Variants in RALGAPA1 observed in about 807,000 individuals in gnomAD.
RALGAPA1 encodes ral GTPase-activating protein subunit alpha-1.
RALGAPA1 carries 52 observed loss-of-function variants against 269.6 expected under a neutral mutation model. The observed-to-expected ratio is 0.19, with a 90% CI of 0.15 to 0.24. The LOEUF is 0.24. Ranked by LOEUF, RALGAPA1 falls within the 10% of genes least tolerant of loss-of-function variation. RALGAPA1 has a pLI of 1.00. For synonymous variants in RALGAPA1, 817 were observed against 1,008.3 expected (o/e 0.81, Z 3.60); for missense variants, 1,917 against 3,013.9 (o/e 0.64, Z 8.52).
chr14:35,654,982 TTC>T (rs1396785663), intron 29 of RALGAPA1, among the ~76,000 whole-genome samples: 2 of 152,218 alleles, frequency 1.3e-5, no homozygotes, highest in Admixed American at 6.5e-5. Flanking sequence ...TCAAAATGAT[TTC>T]TGTTTCTTCC....
intron 39 of RALGAPA1, among the ~76,000 whole-genome samples, chr14:35,549,618 G>T (rs1313476659): frequency 6.6e-6 from 1 of 152,094 alleles, no homozygotes; most frequent in East Asian, 1.9e-4. Context: ...TCCATCTGCA[G>T]ATTTACTCTC....
Position 35,809,041 on chromosome 14 carries a change from C to G in RALGAPA1, c.-206G>C. 1 of 873,120 alleles carries G rather than the reference C, an allele frequency of 1.1e-6. No homozygotes were observed. The highest frequency in any genetic ancestry group is 1.8e-5 in the South Asian group (1 of 54,276). The allele number at this position is 873,120 out of a possible 1,614,324, so 54.1% of individuals were successfully genotyped here. A position where few individuals can be genotyped will look rare whatever the true frequency, so the allele number is the denominator to read the frequency against. On this transcript the variant is annotated 5_prime_UTR_variant, in exon 1 of 42. Transcript: ENST00000680220. ...CGCCTCGCGCCGCGGCTCCAAGGCACCTTCGGCCCCAGCTCCAATATGGCG... is the reference window on the plus strand; with the variant it reads ...CGCCTCGCGCCGCGGCTCCAAGGCAGCTTCGGCCCCAGCTCCAATATGGCG...
intron 35 of RALGAPA1, among the ~76,000 whole-genome samples, chr14:35,616,708 C>T (rs1230092849): frequency 2.6e-5 from 4 of 152,110 alleles, no homozygotes; most frequent in Non-Finnish European, 5.9e-5. Flanking sequence ...TTAAAACACA[C>T]CTATGAAGTT....
chr14:35,608,931 A>G (rs1458513161), intron 35 of RALGAPA1, among the ~76,000 whole-genome samples: 2 of 152,232 alleles, frequency 1.3e-5, no homozygotes, highest in East Asian at 1.9e-4. Flanking sequence ...AGGATAGACC[A>G]TAAAACAAGC....
chr14:35,573,101 T>G (rs540403649), intron 37 of RALGAPA1, among the ~76,000 whole-genome samples: 22 of 152,210 alleles, frequency 1.4e-4, no homozygotes, highest in Admixed American at 6.5e-5. Flanking sequence ...TATGTTTCGT[T>G]TAACGAATTT....
chr14:35,686,692 T>C (rs371011417), intron 18 of RALGAPA1, 26 bp from the exon 19 acceptor site: 119 of 1,368,764 alleles, frequency 8.7e-5, no homozygotes, highest in Non-Finnish European at 1.1e-4. Context: ...TAACTATATA[T>C]AGTGAGGAAA....
chr14:35,785,418 TTTAAA>T lies in RALGAPA1; in HGVS notation c.107-9678_107-9674del, dbSNP rs1398848506. Among the ~76,000 whole-genome samples the T allele has an allele frequency of 5.3e-5, 8 of 152,336 alleles. No homozygotes were observed. In the East Asian group the frequency reaches 1.3e-3, roughly 26 times the overall value. On this transcript the variant is annotated intron_variant, in intron 1 of 41. Transcript: ENST00000680220. Reference sequence around the variant, plus strand: ...AATAGATACAGTGCTTTGCAAATACTTTAAATTATAAAGAAGTAAAAAGAGGTTTT... The same window carrying T: ...AATAGATACAGTGCTTTGCAAATACTTTATAAAGAAGTAAAAAGAGGTTTT...
intron 16 of RALGAPA1, among the ~76,000 whole-genome samples, chr14:35,712,408 ATTTCT>A (rs1230145953): frequency 8.6e-5 from 13 of 152,038 alleles, no homozygotes; most frequent in Non-Finnish European, 1.0e-4. Flanking sequence ...TTTATAAATA[ATTTCT>A]TTTAACATTT....
At chr14:35,592,422 C>T (rs1419380628) in intron 37 of RALGAPA1, among the ~76,000 whole-genome samples, 14 of 152,122 alleles carry the variant, frequency 9.2e-5, no homozygotes, top group Non-Finnish European at 2.1e-4. Flanking sequence ...TGAATTCTAC[C>T]AAACATTCAA....
chr14:35,719,793 TCCCTCTGTC>T (rs1314449523), intron 16 of RALGAPA1, among the ~76,000 whole-genome samples: 3 of 151,962 alleles, frequency 2.0e-5, no homozygotes, highest in Non-Finnish European at 2.9e-5. Flanking sequence ...CCTCTGTCGC[TCCCTCTGTC>T]GCTCCAGGCT....
intron 22 of RALGAPA1, among the ~76,000 whole-genome samples, chr14:35,675,274 C>T (rs2064845222): frequency 6.6e-6 from 1 of 152,162 alleles, no homozygotes; most frequent in Non-Finnish European, 1.5e-5. Flanking sequence ...CTGCTGGGTT[C>T]ACGCAATTCT....
At chr14:35,739,272 A>G (rs2071332273) in intron 11 of RALGAPA1, among the ~76,000 whole-genome samples, 1 of 152,172 alleles carries the variant, frequency 6.6e-6, no homozygotes, top group Admixed American at 6.5e-5. Context: ...ATTCACCAAT[A>G]TCTTTAAATA....
At chr14:35,681,430 T>C (rs77688690) in intron 21 of RALGAPA1, among the ~76,000 whole-genome samples, 6,166 of 152,262 alleles carry the variant, frequency 0.04, 363 homozygotes, top group African/African-American at 0.12. Flanking sequence ...TAGAAGTTAA[T>C]TATCCAAAAA....
intron 35 of RALGAPA1, among the ~76,000 whole-genome samples, chr14:35,612,109 C>T (rs915173131): frequency 1.3e-5 from 2 of 152,170 alleles, no homozygotes; most frequent in African/African-American, 2.4e-5. Flanking sequence ...CACAATGGCT[C>T]ATGCCTGTAA....
intron 1 of RALGAPA1, among the ~76,000 whole-genome samples, chr14:35,777,846 G>C (rs1426744871): frequency 1.3e-5 from 2 of 152,016 alleles, no homozygotes; most frequent in African/African-American, 4.8e-5. Flanking sequence ...ACTGTGTCCA[G>C]CCTCAAAACA....
intron 30 of RALGAPA1, among the ~76,000 whole-genome samples, chr14:35,653,686 A>C (rs553058020): frequency 7.9e-5 from 12 of 152,162 alleles, no homozygotes; most frequent in African/African-American, 2.6e-4. Flanking sequence ...GGTAAGAGCC[A>C]TGTAAATGTG....
At chr14:35,619,168 G>C (rs1282897647) in intron 35 of RALGAPA1, among the ~76,000 whole-genome samples, 3 of 151,898 alleles carry the variant, frequency 2.0e-5, no homozygotes, top group South Asian at 2.1e-4. Context: ...AAAAATGATA[G>C]ACAAATCTAA....
intron 12 of RALGAPA1, among the ~76,000 whole-genome samples, chr14:35,736,221 C>T (rs1004844372): frequency 4.0e-5 from 6 of 151,886 alleles, no homozygotes; most frequent in Non-Finnish European, 8.8e-5. Flanking sequence ...ATTAGACAAA[C>T]GTTAAGGGAA....
intron 16 of RALGAPA1, among the ~76,000 whole-genome samples, chr14:35,701,839 A>G (rs2067377700): frequency 6.6e-6 from 1 of 151,918 alleles, no homozygotes; most frequent in African/African-American, 2.4e-5. Context: ...AGTGGAAACA[A>G]GGTCTCGCTA....
Sources: gnomAD v4.1 joint callset for allele counts (sites outside exome capture counted in the v4.1 genomes callset) on GRCh38, gnomAD v4.1.1 for gene constraint, MANE v1.5 for transcripts, NCBI Gene and HGNC (gene_info 2026-07-23, HGNC 2026-07-21) for gene names.